The following PID1 variants were observed in gnomAD, a reference collection of about 807,000 sequenced individuals.
The protein encoded by PID1 is PTB-containing, cubilin and LRP1-interacting protein.
In PID1, 10 loss-of-function variants were observed where a neutral mutation model predicts 19.1. That is an observed-to-expected ratio of 0.52 (90% CI 0.32 to 0.89). PID1 has a LOEUF of 0.89. PID1 is among the 40% of genes least tolerant of loss of function. The probability of loss-of-function intolerance (pLI) is 0.03; values close to 1 mark genes in which losing one functional copy is unlikely to be tolerated. For missense variants in PID1, 248 were observed against 285.3 expected (o/e 0.87, Z 0.94); for synonymous variants, 130 against 116.0 (o/e 1.12, Z -0.78).
intron 2 of PID1, among the ~76,000 whole-genome samples, chr2:229,128,558 T>C (rs1202571073): frequency 6.6e-6 from 1 of 152,122 alleles, no homozygotes; most frequent in African/African-American, 2.4e-5. Context: ...ATAACAACAC[T>C]TGAAAAAACT....
Position 229,070,673 on chromosome 2 carries a change from C to G in PID1, c.178-44565G>C, listed in dbSNP as rs1373424756. On this transcript the variant is annotated intron_variant, in intron 2 of 2. Coordinates refer to ENST00000392055, the MANE Select transcript of PID1 (RefSeq NM_001100818.2). The stretch of plus-strand genomic sequence containing the variant: ...AATGTTTACGATTCACATAATGAGG[C>G]CTTCTGGGGGAGCAGGAGAGGCATC... 3.3e-5 allele frequency among the ~76,000 whole-genome samples: 5 copies of G among 152,184 alleles called. No individual in the cohort carries two copies. The East Asian group carries it at 5.8e-4, about 18-fold the overall frequency.
At chr2:229,236,602 T>C (rs1478176486) in intron 1 of PID1, 2 of 152,160 alleles carry the variant, frequency 1.3e-5, no homozygotes, top group South Asian at 2.1e-4. Flanking sequence ...CAGGTCATTT[T>C]CACATCTTAC....
At chr2:229,252,627 T>A (rs993317466) in intron 1 of PID1, among the ~76,000 whole-genome samples, 3 of 152,170 alleles carry the variant, frequency 2.0e-5, no homozygotes, top group African/African-American at 7.2e-5. Flanking sequence ...GTAGGTTTTT[T>A]AAACTCTGTA....
intron 1 of PID1, among the ~76,000 whole-genome samples, chr2:229,216,653 T>G (rs537862083): frequency 5.3e-5 from 8 of 151,962 alleles, no homozygotes; most frequent in African/African-American, 1.7e-4. Context: ...ACTATACAGG[T>G]TTTTACAAAG....
chr2:229,131,490 C>G (rs532726343), intron 2 of PID1, among the ~76,000 whole-genome samples: 4 of 152,274 alleles, frequency 2.6e-5, no homozygotes, highest in African/African-American at 9.6e-5. Flanking sequence ...CTCAGCCTCC[C>G]GAAGTGCTGG....
At chr2:229,041,323 CT>C (rs1261677295) in intron 2 of PID1, among the ~76,000 whole-genome samples, 1 of 152,142 alleles carries the variant, frequency 6.6e-6, no homozygotes, top group Non-Finnish European at 1.5e-5. Flanking sequence ...GAAGGGGCTC[CT>C]GCTGGCCAAA....
intron 2 of PID1, among the ~76,000 whole-genome samples, chr2:229,078,382 C>A (rs1178359395): frequency 1.3e-5 from 2 of 152,108 alleles, no homozygotes; most frequent in East Asian, 3.9e-4. Context: ...ATTTGAATAC[C>A]CTTGTGTCTT....
intron 1 of PID1, among the ~76,000 whole-genome samples, chr2:229,248,976 T>C (rs1690074621): frequency 1.3e-5 from 2 of 152,198 alleles, no homozygotes; most frequent in Non-Finnish European, 2.9e-5. Context: ...CTCACTTTGT[T>C]TTACACAAGG....
chr2:229,086,348 T>C (rs1228384035), intron 2 of PID1, among the ~76,000 whole-genome samples: 2 of 152,164 alleles, frequency 1.3e-5, no homozygotes, highest in Non-Finnish European at 2.9e-5. Context: ...AGCAAAATCA[T>C]TTGACACAAG....
At chr2:229,135,012 G>A (rs1443583025) in intron 2 of PID1, among the ~76,000 whole-genome samples, 2 of 152,132 alleles carry the variant, frequency 1.3e-5, no homozygotes, top group African/African-American at 2.4e-5. Flanking sequence ...AACGAAGATG[G>A]GGAATAAAGA....
intron 2 of PID1, among the ~76,000 whole-genome samples, chr2:229,146,897 G>A (rs1455691637): frequency 1.3e-5 from 2 of 152,122 alleles, no homozygotes; most frequent in African/African-American, 4.8e-5. Context: ...AAATGCAGGG[G>A]GCAAAGAATG....
At chr2:229,236,920 C>T (rs903707660) in intron 1 of PID1, among the ~76,000 whole-genome samples, 21 of 151,410 alleles carry the variant, frequency 1.4e-4, no homozygotes, top group African/African-American at 4.4e-4. Context: ...ATAGCTATTT[C>T]ATACTACAAC....
chr2:229,143,836 G>T (rs1029886117), intron 2 of PID1, among the ~76,000 whole-genome samples: 1 of 151,858 alleles, frequency 6.6e-6, no homozygotes, highest in Non-Finnish European at 1.5e-5. Flanking sequence ...TTCCCCTTCC[G>T]CCATGATTTT....
intron 2 of PID1, among the ~76,000 whole-genome samples, chr2:229,139,007 GAAAGAAAGAAAGAAAGAA>G (rs1689922647): frequency 2.3e-5 from 2 of 86,746 alleles, no homozygotes; most frequent in African/African-American, 8.8e-5. Context: ...AAGAAAGAAA[GAAAGAAAGAAAGAAAGAA>G]AGAAAGAAAG....
chr2:229,170,596 TTTCTC>T (rs771943674), intron 1 of PID1, among the ~76,000 whole-genome samples: 88 of 152,338 alleles, frequency 5.8e-4, no homozygotes, highest in Non-Finnish European at 9.8e-4. Flanking sequence ...TTTTTTCTCT[TTTCTC>T]TTTTGCTCTC....
chr2:229,239,980 A>G (rs1689830368), intron 1 of PID1, among the ~76,000 whole-genome samples: 1 of 152,146 alleles, frequency 6.6e-6, no homozygotes, highest in Admixed American at 6.6e-5. Flanking sequence ...TTCTATTTTC[A>G]TCTATATCTA....
chr2:229,044,028 C>G lies in PID1; in HGVS notation c.178-17920G>C, dbSNP rs73998522. Reference sequence around the variant, plus strand: ...ATGTGTAAAGCAAAGATACAGAAACCGTGACTCACAGATTTAAACCAGGAA... The same window carrying G: ...ATGTGTAAAGCAAAGATACAGAAACGGTGACTCACAGATTTAAACCAGGAA... On this transcript the variant is annotated intron_variant, in intron 2 of 2. Coordinates refer to ENST00000392055, the MANE Select transcript of PID1 (RefSeq NM_001100818.2). 5.5e-3 allele frequency among the ~76,000 whole-genome samples: 841 copies of G among 152,194 alleles called. 13 individuals are homozygous for G. The highest frequency in any genetic ancestry group is 0.019 in the African/African-American group (788 of 41,532).
chr2:229,264,238 A>T (rs1159577633), intron 1 of PID1, among the ~76,000 whole-genome samples: 1 of 152,182 alleles, frequency 6.6e-6, no homozygotes, highest in African/African-American at 2.4e-5. Context: ...TTTCTTTTGG[A>T]GGAGTGGACT....
chr2:229,070,879 T>C (rs964515400), intron 2 of PID1, among the ~76,000 whole-genome samples: 1 of 152,198 alleles, frequency 6.6e-6, no homozygotes, highest in Non-Finnish European at 1.5e-5. Context: ...ACTTAAAAGT[T>C]ATGAATGATC....
Sources: allele counts gnomAD v4.1 joint callset (sites outside exome capture counted in the v4.1 genomes callset), GRCh38; gene constraint gnomAD v4.1.1; transcripts MANE v1.5; gene names NCBI Gene and HGNC (gene_info 2026-07-23, HGNC 2026-07-21).